ARPP21: variants seen among roughly 807,000 people sequenced by gnomAD.
The protein encoded by ARPP21 is cAMP-regulated phosphoprotein 21.
ARPP21 carries 69 observed loss-of-function variants against 113.2 expected under a neutral mutation model. The observed-to-expected ratio is 0.61, with a 90% CI of 0.50 to 0.74. The LOEUF (loss-of-function observed/expected upper bound fraction) is 0.74. Ranked by LOEUF, ARPP21 falls within the 30% of genes least tolerant of loss-of-function variation. The probability of loss-of-function intolerance (pLI) is 0.00; values close to 1 mark genes in which losing one functional copy is unlikely to be tolerated. For missense variants in ARPP21, 1,070 were observed against 1,037.4 expected (o/e 1.03, Z -0.43); for synonymous variants, 368 against 375.5 (o/e 0.98, Z 0.23).
intron 1 of ARPP21, among the ~76,000 whole-genome samples, chr3:35,649,260 A>G (rs1361953606): frequency 6.6e-6 from 1 of 152,176 alleles, no homozygotes; most frequent in Non-Finnish European, 1.5e-5. Flanking sequence ...TTGAGAGGAC[A>G]AAAACCTGCC....
chr3:35,704,707 G>A (rs1048258174), intron 9 of ARPP21, among the ~76,000 whole-genome samples: 9 of 151,694 alleles, frequency 5.9e-5, no homozygotes, highest in Non-Finnish European at 1.2e-4. Flanking sequence ...TTTTTAATCT[G>A]TCCCTGAATT....
At chr3:35,734,671 T>A (rs1196464687) in intron 15 of ARPP21, among the ~76,000 whole-genome samples, 1 of 152,256 alleles carries the variant, frequency 6.6e-6, no homozygotes, top group Non-Finnish European at 1.5e-5. Flanking sequence ...TGGGAAATAC[T>A]AACCTCTGGT....
chr3:35,743,733 C>A, intron 18 of ARPP21, 106 bp from the exon 19 acceptor site: 1 of 1,210,332 alleles, frequency 8.3e-7, no homozygotes, highest in Non-Finnish European at 1.2e-6. Flanking sequence ...TTGCGGTGGC[C>A]ATCTTCACAA....
At chr3:35,718,868 C>G (rs2092748755) in intron 13 of ARPP21, among the ~76,000 whole-genome samples, 1 of 148,772 alleles carries the variant, frequency 6.7e-6, no homozygotes, top group African/African-American at 2.5e-5. Flanking sequence ...TATCATCTTC[C>G]TGGATTCCAG....
chr3:35,743,464 G>A (rs964870411), intron 18 of ARPP21, among the ~76,000 whole-genome samples: 1 of 152,132 alleles, frequency 6.6e-6, no homozygotes, highest in African/African-American at 2.4e-5. Flanking sequence ...GTCAATTGGG[G>A]GTACCTGTGT....
intron 11 of ARPP21, 59 bp downstream of exon 11, chr3:35,709,129 C>T (rs922153856): frequency 5.6e-5 from 66 of 1,186,538 alleles, no homozygotes; most frequent in Non-Finnish European, 8.0e-5. Context: ...GTAAGGCTTC[C>T]TCATTCCCCA....
chr3:35,733,394 C>T (rs2150573511), intron 15 of ARPP21, among the ~76,000 whole-genome samples: 1 of 152,298 alleles, frequency 6.6e-6, no homozygotes, highest in South Asian at 2.1e-4. Context: ...TCTGCGCCTG[C>T]TCTGCATTCA....
chr3:35,689,743 G>A (rs114965203), intron 7 of ARPP21, among the ~76,000 whole-genome samples: 21 of 151,588 alleles, frequency 1.4e-4, no homozygotes, highest in African/African-American at 2.4e-4. Context: ...CTTGGCCTTC[G>A]TTTTGTTCCA....
At chr3:35,775,584 C>T (rs1274560096) in intron 19 of ARPP21, among the ~76,000 whole-genome samples, 1 of 152,106 alleles carries the variant, frequency 6.6e-6, no homozygotes, top group African/African-American at 2.4e-5. Flanking sequence ...CATTAACAGA[C>T]ATATCTGGTC....
Position 35,786,646 on chromosome 3 carries a change from G to A in ARPP21, c.2138-5736G>A, listed in dbSNP as rs932872833. Among the ~76,000 whole-genome samples the A allele has an allele frequency of 2.0e-5, 3 of 152,038 alleles. No homozygotes were observed. In the East Asian group the frequency reaches 5.8e-4, roughly 29 times the overall value. On this transcript the variant is annotated intron_variant, in intron 19 of 20. Transcript: ENST00000684406. Reference sequence around the variant, plus strand: ...AAGTTAACAAACTTTGACAAACCAAGTGGTTTGTCAAACCACGTTTACATT... The same window carrying A: ...AAGTTAACAAACTTTGACAAACCAAATGGTTTGTCAAACCACGTTTACATT...
intron 1 of ARPP21, among the ~76,000 whole-genome samples, chr3:35,668,146 A>G (rs556044893): frequency 6.6e-6 from 1 of 152,302 alleles, no homozygotes; most frequent in Non-Finnish European, 1.5e-5. Context: ...ATGGTAAAGT[A>G]TCATCTCTGA....
chr3:35,778,584 T>G (rs931958570), intron 19 of ARPP21, among the ~76,000 whole-genome samples: 5 of 152,166 alleles, frequency 3.3e-5, no homozygotes, highest in Admixed American at 6.5e-5. Flanking sequence ...GGTGTCTTCC[T>G]CACTTGTTGA....
chr3:35,690,812 T>C, intron 8 of ARPP21, 53 bp from the exon 9 acceptor site: 1 of 1,546,436 alleles, frequency 6.5e-7, no homozygotes, highest in Non-Finnish European at 8.8e-7. Context: ...AAAAAGGTAT[T>C]ATGGGCAAAA....
At position 35,707,007 on chromosome 3, in the gene ARPP21, T is replaced by A. The variant is rs1018128409; in HGVS notation, c.720T>A (p.Asp240Glu). 6.2e-7 allele frequency: 1 copy of A among 1,613,964 alleles called. No homozygotes were observed. Residue 240 changes from aspartate (D) to glutamate (E), a missense_variant, in exon 10 of 21, where the codon GAT becomes GAA. By Grantham distance (45) the Asp-to-Glu change is conservative (BLOSUM62 2). Coordinates refer to ENST00000684406, the MANE Select transcript of ARPP21 (RefSeq NM_001385562.1). ...PEQRFCEHLK[D>E]EKGEESQKRF... ...AAAGGTTTTGTGAACATTTAAAAGA[T>A]GAAAAAGGTGAAGAATCCCAGAAGC...
Position 35,739,373 on chromosome 3 carries a change from G to T in ARPP21, c.1806G>T (p.Gly602=). 1 of 1,614,088 alleles carries T rather than the reference G, an allele frequency of 6.2e-7. No individual in the cohort carries two copies. The highest frequency in any genetic ancestry group is 8.5e-7 in the Non-Finnish European group (1 of 1,180,014). ...GQMTLSRQSS[G]ETPEPPSGPV... ...TGACCCTGAGCCGGCAGTCCTCGGG[G>T]GAGACTCCTGAACCCCCATCAGGTC... Residue 602 remains glycine, a synonymous_variant, in exon 18 of 21, where the codon GGG becomes GGT. Coordinates refer to ENST00000684406, the MANE Select transcript of ARPP21 (RefSeq NM_001385562.1).
chr3:35,742,387 T>A (rs188705195), intron 18 of ARPP21, among the ~76,000 whole-genome samples: 374 of 152,368 alleles, frequency 2.5e-3, no homozygotes, highest in Middle Eastern at 0.017. Flanking sequence ...ATGCTATTAT[T>A]ACTCCAGAAT....
rs2080276867 is a variant in ARPP21 at position 35,685,463 on chromosome 3, C to CTTTTG, written c.261+1648_261+1649insTTTTG. The stretch of plus-strand genomic sequence containing the variant: ...GCTACCTTTTTAGAGAATAAAGAAA[C>CTTTTG]AGACTTTTGAGTTTATATGCAATGC... On this transcript the variant is annotated intron_variant, in intron 5 of 20. Coordinates refer to ENST00000684406, the MANE Select transcript of ARPP21 (RefSeq NM_001385562.1). The CTTTTG allele has an allele frequency of 5.1e-6, 5 of 985,092 alleles. No individual in the cohort carries two copies. The South Asian group carries it at 1.9e-4, about 37-fold the overall frequency. The allele number at this position is 985,092 out of a possible 1,614,324, so 61.0% of individuals were successfully genotyped here. A position where few individuals can be genotyped will look rare whatever the true frequency, so the allele number is the denominator to read the frequency against.
chr3:35,727,507 C>G (rs1331484349), intron 14 of ARPP21, among the ~76,000 whole-genome samples: 1 of 152,184 alleles, frequency 6.6e-6, no homozygotes, highest in East Asian at 1.9e-4. Context: ...TCTGCACTTA[C>G]ATGTTATGTT....
intron 9 of ARPP21, among the ~76,000 whole-genome samples, chr3:35,694,819 C>A (rs1227971173): frequency 1.3e-5 from 2 of 150,564 alleles, no homozygotes; most frequent in Middle Eastern, 3.2e-3. Flanking sequence ...AGCCTCCCTA[C>A]AACTTGATAG....
Sources: allele counts gnomAD v4.1 joint callset (sites outside exome capture counted in the v4.1 genomes callset), GRCh38; gene constraint gnomAD v4.1.1; transcripts MANE v1.5; gene names NCBI Gene and HGNC (gene_info 2026-07-23, HGNC 2026-07-21).